Variants in GGT5 observed in about 807,000 individuals in gnomAD.
GGT5 encodes the protein glutathione hydrolase 5 proenzyme.
Under a neutral mutation model 58.1 loss-of-function variants are expected in GGT5, and 50 were observed. The observed-to-expected ratio is 0.86, with a 90% CI of 0.69 to 1.09. The LOEUF (loss-of-function observed/expected upper bound fraction) is 1.09, where lower values mean the gene tolerates loss of function less well. Among genes scored for constraint, GGT5 ranks in the 50% least tolerant of loss-of-function variants. The pLI is 0.00. For synonymous variants in GGT5, 370 were observed against 346.1 expected (o/e 1.07, Z -0.77); for missense variants, 800 against 789.4 (o/e 1.01, Z -0.16).
At chr22:24,240,263 G>C (rs2048292822) in intron 1 of GGT5, among the ~76,000 whole-genome samples, 2 of 152,088 alleles carry the variant, frequency 1.3e-5, no homozygotes, top group African/African-American at 4.8e-5. Flanking sequence ...AATAATAAAT[G>C]CAAAACAAGA....
intron 1 of GGT5, among the ~76,000 whole-genome samples, chr22:24,235,124 A>G (rs2048060073): frequency 1.5e-5 from 2 of 136,898 alleles, no homozygotes; most frequent in Admixed American, 8.5e-5. Context: ...CAATGACACT[A>G]TCTTGGCTCA....
chr22:24,229,280 G>A (rs779863185), intron 6 of GGT5, among the ~76,000 whole-genome samples: 16 of 150,882 alleles, frequency 1.1e-4, no homozygotes, highest in South Asian at 1.1e-3. Context: ...GGTGGCAGGC[G>A]CCTGTAATCC....
At chr22:24,231,327 G>C (rs1295009864) in intron 6 of GGT5, 57 bp downstream of exon 6, 12 of 1,292,268 alleles carry the variant, frequency 9.3e-6, no homozygotes, top group Admixed American at 2.0e-5. Flanking sequence ...CTGAGTTCCC[G>C]GGGGCCGGGG....
intron 11 of GGT5, chr22:24,220,357 C>A: frequency 1.6e-6 from 1 of 624,362 alleles, no homozygotes; most frequent in Admixed American, 2.3e-5. Flanking sequence ...CGAAGACCTC[C>A]AAATGCAAGT....
rs778443950 is a variant in GGT5, at chr22:24,233,990, T to C, written c.188A>G (p.Gln63Arg). 6.2e-7 allele frequency: 1 copy of C among 1,610,806 alleles called. No homozygotes were observed. Among genetic ancestry groups the C allele is most frequent in the East Asian group, 2.2e-5 (1 of 44,712 alleles). The change falls in exon 2 of 12, where the codon CAG (glutamine) becomes CGG (arginine). Residue 63 changes from glutamine to arginine, a missense_variant. Coordinates refer to ENST00000327365, the MANE Select transcript of GGT5 (RefSeq NM_004121.5). ...CSDIGRAILQ[Q>R]QGSPVDATIA... ...GGTGGCATCCACGGGTGAGCCCTGC[T>C]GCTGGAGGATGGCTCTAGGGGACAT...
At position 24,234,117 on chromosome 22, in the gene GGT5, C is replaced by A. The variant is rs1287649966; in HGVS notation, c.174-113G>T. Reference sequence around the variant, plus strand: ...GTGACGGAGGCGGCACGTCGGCTGCCACCAAACCGCAGATTAGGTTGCAGA... The same window carrying A: ...GTGACGGAGGCGGCACGTCGGCTGCAACCAAACCGCAGATTAGGTTGCAGA... On this transcript the variant is annotated intron_variant, in intron 1 of 11. Coordinates refer to ENST00000327365, the MANE Select transcript of GGT5 (RefSeq NM_004121.5). 3 of 989,984 alleles carry A rather than the reference C, an allele frequency of 3.0e-6. No homozygotes were observed. The African/African-American group carries it at 4.8e-5, about 16-fold the overall frequency. The allele number at this position is 989,984 out of a possible 1,614,324, so 61.3% of individuals were successfully genotyped here.
Position 24,228,048 on chromosome 22 carries a change from C to CAAAAAAAAAAAAAAAAAAAAAAAAA in GGT5, c.902-1282_902-1281insTTTTTTTTTTTTTTTTTTTTTTTTT, listed in dbSNP as rs1273239063. Among the ~76,000 whole-genome samples, 4 of 22,068 alleles carry CAAAAAAAAAAAAAAAAAAAAAAAAA rather than the reference C, an allele frequency of 1.8e-4. 1 individual carries two copies. The highest frequency in any genetic ancestry group is 3.6e-4 in the Non-Finnish European group (4 of 11,204). 14.5% of individuals were successfully genotyped at this position (22,068 alleles called of 152,430 possible). A position where few individuals can be genotyped will look rare whatever the true frequency, so the allele number is the denominator to read the frequency against. ...TAGTAAACAGAGCAAGACTCTGTCTCAAAAAAAAAAAAAAAAAACAAAACA... is the reference window on the plus strand; with the variant it reads ...TAGTAAACAGAGCAAGACTCTGTCTCAAAAAAAAAAAAAAAAAAAAAAAAAAAAAAAAAAAAAAAAAAACAAAACA... On this transcript the variant is annotated intron_variant, in intron 6 of 11. Transcript: ENST00000327365.
chr22:24,232,560 G>A (rs1287659999), intron 4 of GGT5, among the ~76,000 whole-genome samples: 2 of 152,144 alleles, frequency 1.3e-5, no homozygotes, highest in East Asian at 1.9e-4. Context: ...GAAGGAGGCC[G>A]GGGCCCCAGG....
intron 1 of GGT5, among the ~76,000 whole-genome samples, chr22:24,238,619 A>C (rs2048169043): frequency 7.5e-6 from 1 of 133,978 alleles, no homozygotes. Context: ...CAGGAGAATC[A>C]CTTGAACCCG....
intron 1 of GGT5, among the ~76,000 whole-genome samples, chr22:24,240,304 G>A (rs1250768474): frequency 6.6e-6 from 1 of 152,080 alleles, no homozygotes; most frequent in African/African-American, 2.4e-5. Context: ...AACAGAATAG[G>A]CATGGAAAAC....
intron 6 of GGT5, among the ~76,000 whole-genome samples, chr22:24,229,043 C>T (rs139737000): frequency 0.051 from 7,719 of 150,982 alleles, 260 homozygotes; most frequent in South Asian, 0.084. Context: ...GAGCTGAGAT[C>T]GCGCAATTGC....
chr22:24,219,960 G>T lies in GGT5; in HGVS notation c.*10C>A. ...TGGGGCCAGACTTCAGCTCTGGGCAGAGCAGTGTCTTAGTAGCCTGCGGCC... is the reference window on the plus strand; with the variant it reads ...TGGGGCCAGACTTCAGCTCTGGGCATAGCAGTGTCTTAGTAGCCTGCGGCC... On this transcript the variant is annotated 3_prime_UTR_variant, in exon 12 of 12. Transcript: ENST00000327365. 9 of 1,613,736 alleles carry T rather than the reference G, an allele frequency of 5.6e-6. No homozygotes were observed. The highest frequency in any genetic ancestry group is 7.6e-6 in the Non-Finnish European group (9 of 1,179,724).
At chr22:24,230,885 G>A (rs1309966483) in intron 6 of GGT5, among the ~76,000 whole-genome samples, 1 of 152,164 alleles carries the variant, frequency 6.6e-6, no homozygotes, top group Non-Finnish European at 1.5e-5. Flanking sequence ...CTGGCTTCCA[G>A]AACTGTGAGA....
At chr22:24,226,000 G>T in intron 8 of GGT5, 76 bp downstream of exon 8, 2 of 1,056,416 alleles carry the variant, frequency 1.9e-6, no homozygotes, top group Non-Finnish European at 2.7e-6. Context: ...GACAAGTGAG[G>T]GGACATGGGG....
In GGT5 at chr22:24,244,762, G is replaced by A; in HGVS notation, c.-37C>T. 1 of 1,570,998 alleles carries A rather than the reference G, an allele frequency of 6.4e-7. No homozygotes were observed. Among genetic ancestry groups the A allele is most frequent in the African/African-American group, 1.4e-5 (1 of 74,070 alleles). On this transcript the variant is annotated 5_prime_UTR_variant, in exon 1 of 12. Transcript: ENST00000327365. ...CCAGGAGGAGAGGGGCGGCTGGTGG[G>A]CAGACGGAGGGACGGATGGGTGGGC...
At chr22:24,221,966 G>A (rs557135507) in intron 11 of GGT5, among the ~76,000 whole-genome samples, 4 of 151,726 alleles carry the variant, frequency 2.6e-5, no homozygotes, top group Middle Eastern at 6.8e-3. Flanking sequence ...ATCACCTGAG[G>A]TCAGGAGTTT....
intron 1 of GGT5, chr22:24,243,661 G>A (rs1194181134): frequency 2.0e-5 from 3 of 152,382 alleles, no homozygotes; most frequent in African/African-American, 7.2e-5. Flanking sequence ...GGGAGGCAGG[G>A]AGCAGGAAGG....
intron 1 of GGT5, chr22:24,241,056 C>G (rs974810737): frequency 6.7e-6 from 1 of 149,760 alleles, no homozygotes; most frequent in Non-Finnish European, 1.5e-5. Flanking sequence ...ACTCAGGAGG[C>G]TGAGGCAGGA....
At chr22:24,238,807 A>AAG (rs2048194144) in intron 1 of GGT5, among the ~76,000 whole-genome samples, 1 of 2,218 alleles carries the variant, frequency 4.5e-4, no homozygotes, top group Non-Finnish European at 7.4e-4. Flanking sequence ...ATATATATAT[A>AAG]ATATATTATA....
Sources: gnomAD v4.1 joint callset for allele counts (sites outside exome capture counted in the v4.1 genomes callset) on GRCh38, gnomAD v4.1.1 for gene constraint, MANE v1.5 for transcripts, NCBI Gene and HGNC (gene_info 2026-07-23, HGNC 2026-07-21) for gene names.